SMOC1: variants seen among roughly 807,000 people sequenced by gnomAD.
SMOC1 encodes the protein SPARC related modular calcium binding 1.
Under a neutral mutation model 56.3 loss-of-function variants are expected in SMOC1, and 22 were observed. The observed-to-expected ratio is 0.39, with a 90% confidence interval of 0.28 to 0.56. The LOEUF (loss-of-function observed/expected upper bound fraction) is 0.56. Ranked by LOEUF, SMOC1 falls within the 20% of genes least tolerant of loss-of-function variation. The pLI, the probability that SMOC1 is intolerant of heterozygous loss-of-function variation, is 0.61. For missense variants in SMOC1, 509 were observed against 565.4 expected (o/e 0.90, Z 1.01); for synonymous variants, 193 against 215.0 (o/e 0.90, Z 0.89).
intron 1 of SMOC1, among the ~76,000 whole-genome samples, chr14:69,946,926 C>T (rs542765058): frequency 2.0e-4 from 30 of 152,174 alleles, no homozygotes; most frequent in Non-Finnish European, 3.5e-4. Flanking sequence ...CTGCTTTTGC[C>T]ATGTGACATG....
chr14:69,978,134 G>C, intron 5 of SMOC1, 169 bp downstream of exon 5: 1 of 689,662 alleles, frequency 1.4e-6, no homozygotes, highest in Admixed American at 2.1e-5. Context: ...GGTAAGTAAG[G>C]CTCATACAGT....
At chr14:70,014,305 T>C (rs1238128895) in intron 10 of SMOC1, among the ~76,000 whole-genome samples, 3 of 152,146 alleles carry the variant, frequency 2.0e-5, no homozygotes, top group African/African-American at 7.2e-5. Context: ...TGGAGAATGG[T>C]TGTCTCACTC....
intron 1 of SMOC1, among the ~76,000 whole-genome samples, chr14:69,882,356 A>G (rs1168017548): frequency 8.5e-5 from 13 of 152,178 alleles, no homozygotes; most frequent in Admixed American, 7.9e-4. Flanking sequence ...ATGCCCTTTC[A>G]GTTTAACTTT....
chr14:70,023,869 A>AG (rs1299693170), intron 11 of SMOC1, among the ~76,000 whole-genome samples: 1 of 150,904 alleles, frequency 6.6e-6, no homozygotes, highest in Admixed American at 6.6e-5. Context: ...GGGTAGGAGT[A>AG]GGGGCAGGGA....
In SMOC1 at chr14:69,984,592, C is replaced by T. The variant is rs536221341; in HGVS notation, c.526+6627C>T. ...GCATGGTGGCTCACACCTGTAATCC[C>T]ATCACTTCGGGAGGCTAAGGTGGAT... On this transcript the variant is annotated intron_variant, in intron 5 of 11. Coordinates refer to ENST00000361956, the MANE Select transcript of SMOC1 (RefSeq NM_001034852.3). Among the ~76,000 whole-genome samples, 4 of 152,120 alleles carry T rather than the reference C, an allele frequency of 2.6e-5. No homozygotes were observed. The East Asian group carries it at 7.7e-4, about 29-fold the overall frequency.
In SMOC1 at chr14:69,968,141, C is replaced by T. The variant is rs918593912; in HGVS notation, c.379-7574C>T. Among the ~76,000 whole-genome samples, 6 of 152,338 alleles carry T rather than the reference C, an allele frequency of 3.9e-5. 1 individual carries two copies. In the Middle Eastern group the frequency reaches 0.01, roughly 259 times the overall value. On this transcript the variant is annotated intron_variant, in intron 3 of 11. Coordinates refer to ENST00000361956, the MANE Select transcript of SMOC1 (RefSeq NM_001034852.3). ...AAGGCCCCTTGTTCCCAAACTCTCA[C>T]GTAGAAAACTACTTGTTTCTTGAGT...
At chr14:69,970,544 G>C (rs1453865724) in intron 3 of SMOC1, among the ~76,000 whole-genome samples, 1 of 152,164 alleles carries the variant, frequency 6.6e-6, no homozygotes, top group African/African-American at 2.4e-5. Context: ...TTGCACACAG[G>C]GTGGCTTTGA....
chr14:69,928,146 T>C (rs1885066154), intron 1 of SMOC1, among the ~76,000 whole-genome samples: 1 of 152,104 alleles, frequency 6.6e-6, no homozygotes, highest in South Asian at 2.1e-4. Context: ...TGGAGGAGGA[T>C]CTGTGTATCT....
At chr14:70,016,205 G>T (rs1162131272) in intron 10 of SMOC1, among the ~76,000 whole-genome samples, 1 of 152,352 alleles carries the variant, frequency 6.6e-6, no homozygotes, top group East Asian at 1.9e-4. Flanking sequence ...AGACAGAAGG[G>T]ATTTTTACAG....
At chr14:69,886,261 C>T (rs536259293) in intron 1 of SMOC1, 16 of 623,904 alleles carry the variant, frequency 2.6e-5, no homozygotes, top group Non-Finnish European at 4.5e-5. Context: ...TCTTCCTCTT[C>T]TTTGCACCAA....
intron 1 of SMOC1, among the ~76,000 whole-genome samples, chr14:69,942,311 C>T (rs915972771): frequency 5.9e-5 from 9 of 152,044 alleles, no homozygotes; most frequent in South Asian, 2.1e-4. Context: ...GCAGAGAAAT[C>T]GCCAGAAACT....
intron 11 of SMOC1, among the ~76,000 whole-genome samples, chr14:70,029,084 G>A (rs1164974101): frequency 2.0e-5 from 3 of 152,204 alleles, no homozygotes; most frequent in Non-Finnish European, 2.9e-5. Context: ...GACCCAGAGA[G>A]GTTCAGGGGC....
At chr14:69,885,856 CAGCTGAGTAGCTGTTTGGCGGT>C (rs1883789935) in intron 1 of SMOC1, 1 of 1,601,100 alleles carries the variant, frequency 6.2e-7, no homozygotes, top group African/African-American at 1.3e-5. Flanking sequence ...CCAGCTTAAG[CAGCTGAGTAGCTGTTTGGCGGT>C]CCAGGGCCTG....
chr14:69,973,059 A>G (rs227448), intron 3 of SMOC1, among the ~76,000 whole-genome samples: 81,843 of 151,982 alleles, frequency 0.54, 24,142 homozygotes, highest in African/African-American at 0.79. Context: ...GTGATTATTG[A>G]CCAAGGAGGA....
intron 4 of SMOC1, among the ~76,000 whole-genome samples, chr14:69,977,186 C>T (rs1359898595): frequency 6.6e-6 from 1 of 152,176 alleles, no homozygotes; most frequent in Non-Finnish European, 1.5e-5. Context: ...TGGCGGGACT[C>T]CACAGATGCC....
chr14:69,904,749 C>G (rs1270963873), intron 1 of SMOC1, among the ~76,000 whole-genome samples: 1 of 152,212 alleles, frequency 6.6e-6, no homozygotes, highest in South Asian at 2.1e-4. Context: ...CATCATGGAG[C>G]CTGTCTGAAA....
In SMOC1 at chr14:69,992,312, G is replaced by T. The variant is rs1884592517; in HGVS notation, c.527-105G>T. The T allele has an allele frequency of 3.8e-6, 4 of 1,050,464 alleles. No individual in the cohort carries two copies. The Admixed American group carries it at 7.4e-5, about 19-fold the overall frequency. 65.1% of individuals were successfully genotyped at this position (1,050,464 alleles called of 1,614,324 possible). A position where few individuals can be genotyped will look rare whatever the true frequency, so the allele number is the denominator to read the frequency against. On this transcript the variant is annotated intron_variant, in intron 5 of 11. Coordinates refer to ENST00000361956, the MANE Select transcript of SMOC1 (RefSeq NM_001034852.3). Reference sequence around the variant, plus strand: ...TCTTTGTTCTCTTCACTGGGACTTGGCCGGGCCTTGTACAAACCCCAACCA... The same window carrying T: ...TCTTTGTTCTCTTCACTGGGACTTGTCCGGGCCTTGTACAAACCCCAACCA...
chr14:69,951,424 G>A (rs917864389), intron 1 of SMOC1, among the ~76,000 whole-genome samples: 1 of 152,204 alleles, frequency 6.6e-6, no homozygotes, highest in Non-Finnish European at 1.5e-5. Context: ...ATGTATCAGA[G>A]TCATCTGAGA....
intron 1 of SMOC1, among the ~76,000 whole-genome samples, chr14:69,922,804 A>G (rs1021930807): frequency 1.3e-5 from 2 of 152,036 alleles, no homozygotes; most frequent in Non-Finnish European, 2.9e-5. Flanking sequence ...GGATGAACAA[A>G]TGAGATAACT....
Sources: allele counts gnomAD v4.1 joint callset (sites outside exome capture counted in the v4.1 genomes callset), GRCh38; gene constraint gnomAD v4.1.1; transcripts MANE v1.5; gene names NCBI Gene and HGNC (gene_info 2026-07-23, HGNC 2026-07-21).